Variants in TBC1D32 observed in about 807,000 individuals in gnomAD.
TBC1D32 encodes TBC1 domain family member 32, also known as protein broad-minded.
In TBC1D32, 151 loss-of-function variants were observed where a neutral mutation model predicts 170.3. The observed-to-expected ratio is 0.89, with a 90% CI of 0.78 to 1.01. The LOEUF (loss-of-function observed/expected upper bound fraction) is 1.01, where lower values mean the gene tolerates loss of function less well. Among genes scored for constraint, TBC1D32 ranks in the 50% least tolerant of loss-of-function variants. The pLI is 0.00. For missense variants in TBC1D32, 1,464 were observed against 1,457.1 expected (o/e 1.00, Z -0.08); for synonymous variants, 498 against 488.0 (o/e 1.02, Z -0.27).
At chr6:121,251,422 C>G (rs1408788031) in intron 17 of TBC1D32, among the ~76,000 whole-genome samples, 7 of 152,072 alleles carry the variant, frequency 4.6e-5, no homozygotes, top group African/African-American at 1.7e-4. Flanking sequence ...ACCATGTGAT[C>G]TTCAACAAAC....
chr6:121,261,244 GT>G (rs1799727164), intron 15 of TBC1D32, among the ~76,000 whole-genome samples: 2 of 152,128 alleles, frequency 1.3e-5, no homozygotes, highest in Admixed American at 6.5e-5. Context: ...GGAAGAGTTG[GT>G]TTCCCCCCAG....
At chr6:121,199,515 T>C (rs1396913650) in intron 22 of TBC1D32, among the ~76,000 whole-genome samples, 7 of 151,476 alleles carry the variant, frequency 4.6e-5, no homozygotes, top group Admixed American at 2.6e-4. Flanking sequence ...AATTTTTCTA[T>C]GTAAACAAGA....
intron 17 of TBC1D32, among the ~76,000 whole-genome samples, chr6:121,243,332 G>C (rs964497521): frequency 4.6e-5 from 7 of 152,152 alleles, no homozygotes; most frequent in Admixed American, 3.3e-4. Flanking sequence ...GGAAAACTAT[G>C]TGTAACTGAT....
rs1806828217 is a variant in TBC1D32 at position 121,303,669 on chromosome 6, A to G, written c.1028T>C (p.Ile343Thr). Residue 343 changes from isoleucine (I) to threonine (T), a missense_variant, in exon 9 of 32, where the codon ATC becomes ACC. Physicochemically the swap from Ile to Thr is moderately conservative, Grantham distance 89. Coordinates refer to ENST00000398212, the MANE Select transcript of TBC1D32 (RefSeq NM_152730.6). ...GGTATCAACTAATGCAAAAAAGTAG[A>G]TCGGATCCAAAATCTTTTGTGAGAC... ...HVVSQKILDP[I>T]YFFALVDTKA... 6.3e-7 allele frequency: 1 copy of G among 1,598,790 alleles called. No individual in the cohort carries two copies. Among genetic ancestry groups the G allele is most frequent in the Non-Finnish European group, 8.5e-7 (1 of 1,169,846 alleles).
At chr6:121,240,152 C>T (rs1313974757) in intron 19 of TBC1D32, among the ~76,000 whole-genome samples, 5 of 151,970 alleles carry the variant, frequency 3.3e-5, no homozygotes, top group African/African-American at 9.7e-5. Context: ...CTGTAGTCTT[C>T]CTCCTTCTGT....
chr6:121,330,079 G>A (rs1811011294), intron 1 of TBC1D32, among the ~76,000 whole-genome samples: 1 of 151,968 alleles, frequency 6.6e-6, no homozygotes, highest in Non-Finnish European at 1.5e-5. Flanking sequence ...TTTATTTTGT[G>A]ACAGGGTCTC....
chr6:121,230,817 G>A (rs1044656336), intron 20 of TBC1D32, among the ~76,000 whole-genome samples: 1 of 151,734 alleles, frequency 6.6e-6, no homozygotes, highest in African/African-American at 2.4e-5. Context: ...AGGTTTTTGG[G>A]GAACCGATAG....
chr6:121,121,857 T>A (rs1344808290), intron 26 of TBC1D32, among the ~76,000 whole-genome samples: 2 of 152,042 alleles, frequency 1.3e-5, no homozygotes, highest in African/African-American at 4.8e-5. Flanking sequence ...TAAGTCAGAA[T>A]TTGAGAAAGA....
chr6:121,291,124 A>G (rs933515318), intron 12 of TBC1D32, among the ~76,000 whole-genome samples: 5 of 152,018 alleles, frequency 3.3e-5, no homozygotes, highest in Non-Finnish European at 7.4e-5. Flanking sequence ...CGTTGTGCAC[A>G]TGTACCCTAA....
intron 20 of TBC1D32, 35 bp from the exon 21 acceptor site, chr6:121,223,387 A>T (rs748483219): frequency 1.4e-6 from 2 of 1,389,684 alleles, no homozygotes; most frequent in Non-Finnish European, 2.0e-6. Flanking sequence ...TAAATGATTC[A>T]CTTTTGTCAA....
At chr6:121,153,380 G>A (rs913606865) in intron 24 of TBC1D32, among the ~76,000 whole-genome samples, 11 of 152,076 alleles carry the variant, frequency 7.2e-5, no homozygotes, top group Non-Finnish European at 2.9e-5. Flanking sequence ...CGTCCCAGAG[G>A]GGCACCCACC....
At chr6:121,334,541 C>T (rs1811640625), upstream of TBC1D32, 10 of 1,315,686 alleles carry the variant, frequency 7.6e-6, no homozygotes, top group South Asian at 1.3e-4. Flanking sequence ...GGCGTCGTTC[C>T]CAGGGATACC....
At chr6:121,199,432 A>G (rs1008455416) in intron 22 of TBC1D32, among the ~76,000 whole-genome samples, 6 of 151,360 alleles carry the variant, frequency 4.0e-5, no homozygotes, top group Non-Finnish European at 7.4e-5. Flanking sequence ...TGAGCATAAT[A>G]GGGTTAACAG....
intron 30 of TBC1D32, among the ~76,000 whole-genome samples, chr6:121,104,097 A>G (rs2128189477): frequency 2.0e-5 from 3 of 152,014 alleles, no homozygotes; most frequent in Middle Eastern, 6.8e-3. Flanking sequence ...TCATACAAAT[A>G]AATTTAATAA....
chr6:121,192,066 T>TTATATATATATATATATATATA (rs1554263739), intron 22 of TBC1D32, among the ~76,000 whole-genome samples: 8 of 122,406 alleles, frequency 6.5e-5, no homozygotes, highest in African/African-American at 2.8e-4. Context: ...AAACTACCCT[T>TTATATATATATATATATATATA]TATATATATA....
At chr6:121,150,272 GTT>G (rs1681228561) in intron 24 of TBC1D32, among the ~76,000 whole-genome samples, 1 of 151,796 alleles carries the variant, frequency 6.6e-6, no homozygotes, top group South Asian at 2.1e-4. Context: ...GATCATCAAT[GTT>G]TTTGTCTGTT....
intron 29 of TBC1D32, among the ~76,000 whole-genome samples, chr6:121,111,664 T>C (rs150690367): frequency 3.2e-3 from 490 of 152,326 alleles, no homozygotes; most frequent in African/African-American, 0.011. Context: ...TAACTGTATA[T>C]AGCTACTTGA....
intron 25 of TBC1D32, among the ~76,000 whole-genome samples, chr6:121,126,854 C>T (rs1396641096): frequency 6.6e-6 from 1 of 151,966 alleles, no homozygotes; most frequent in Non-Finnish European, 1.5e-5. Context: ...CAATGCATAG[C>T]TCATTCAAAA....
intron 12 of TBC1D32, among the ~76,000 whole-genome samples, chr6:121,287,007 A>C (rs1803963928): frequency 6.6e-6 from 1 of 152,318 alleles, no homozygotes; most frequent in Admixed American, 6.5e-5. Context: ...AGGAAGCACT[A>C]AACATGGAAA....
Sources: gnomAD v4.1 joint callset for allele counts (sites outside exome capture counted in the v4.1 genomes callset) on GRCh38, gnomAD v4.1.1 for gene constraint, MANE v1.5 for transcripts, NCBI Gene and HGNC (gene_info 2026-07-23, HGNC 2026-07-21) for gene names.